Variants in RELB observed in about 807,000 individuals in gnomAD.
RELB encodes transcription factor RelB.
RELB carries 14 observed loss-of-function variants against 55.4 expected under a neutral mutation model. That is an observed-to-expected ratio of 0.25 (90% CI 0.17 to 0.40). RELB has a LOEUF of 0.40. Among genes scored for constraint, RELB ranks in the 10% least tolerant of loss-of-function variants. The pLI, the probability that RELB is intolerant of heterozygous loss-of-function variation, is 1.00. For missense variants in RELB, 669 were observed against 830.7 expected (o/e 0.81, Z 2.39); for synonymous variants, 409 against 371.3 (o/e 1.10, Z -1.17).
At chr19:45,017,077 C>T (rs868847744) in intron 4 of RELB, among the ~76,000 whole-genome samples, 4 of 152,126 alleles carry the variant, frequency 2.6e-5, no homozygotes, top group African/African-American at 9.7e-5. Flanking sequence ...GTCAACCAGC[C>T]ACCCCCCAAA....
chr19:45,013,860 G>T (rs1381824650), intron 4 of RELB, among the ~76,000 whole-genome samples: 1 of 151,926 alleles, frequency 6.6e-6, no homozygotes, highest in South Asian at 2.1e-4. Flanking sequence ...AAGAAAAAAA[G>T]AATATCCCAC....
In RELB at chr19:45,025,374, G is replaced by A; in HGVS notation, c.708G>A (p.Glu236=). ...GIQCVRKKEI[E]AAIERKIQLG... is the part of the protein sequence containing the mutation. The stretch of plus-strand genomic sequence containing the variant: ...AGTGTGTGAGGAAGAAGGAGATTGA[G>A]GCTGCCATTGAGCGGAAGATTCAAC... The change falls in exon 6 of 12, where the codon GAG becomes GAA. Residue 236 remains glutamate (E), a synonymous_variant. Coordinates refer to ENST00000221452, the MANE Select transcript of RELB (RefSeq NM_006509.4). 4 of 1,613,050 alleles carry A rather than the reference G, an allele frequency of 2.5e-6. No homozygotes were observed. The highest frequency in any genetic ancestry group is 3.4e-6 in the Non-Finnish European group (4 of 1,179,570).
intron 11 of RELB, among the ~76,000 whole-genome samples, chr19:45,036,526 G>A (rs2122500046): frequency 6.6e-6 from 1 of 152,100 alleles, no homozygotes; most frequent in South Asian, 2.1e-4. Flanking sequence ...TTCACTTTTT[G>A]GGTTGTCTCT....
rs186242733 is a variant in RELB, at chr19:45,025,693, T to A, written c.842T>A (p.Met281Lys). The A allele has an allele frequency of 1.9e-6, 3 of 1,613,998 alleles. No individual in the cohort carries two copies. The highest frequency in any genetic ancestry group is 2.5e-6 in the Non-Finnish European group (3 of 1,179,898). The change falls in exon 7 of 12, where the codon ATG (methionine) becomes AAG (lysine). Residue 281 changes from methionine (M) to lysine (K), a missense_variant. Met to Lys is a moderately conservative substitution (Grantham distance 95). This residue lies in a region of RELB where 341 missense variants were observed against 436.8 expected (regional missense o/e 0.78). Transcript: ENST00000221452. Reference protein sequence around the residue: ...QASYRDQQGQMRRMDPVLSEP... With the variant: ...QASYRDQQGQKRRMDPVLSEP... Reference sequence around the variant, plus strand: ...TCATATCGGGACCAGCAGGGACAGATGCGCCGGATGGATCCTGTGCTTTCC... The same window carrying A: ...TCATATCGGGACCAGCAGGGACAGAAGCGCCGGATGGATCCTGTGCTTTCC...
intron 3 of RELB, among the ~76,000 whole-genome samples, chr19:45,011,580 C>T (rs994635960): frequency 6.6e-6 from 1 of 152,050 alleles, no homozygotes; most frequent in Non-Finnish European, 1.5e-5. Context: ...CCTCAGCCTC[C>T]TGAGTAGCTG....
At chr19:45,018,178 G>A (rs1215345317) in intron 4 of RELB, among the ~76,000 whole-genome samples, 1 of 151,994 alleles carries the variant, frequency 6.6e-6, no homozygotes, top group East Asian at 1.9e-4. Flanking sequence ...ACTAAGGCAG[G>A]CAGATCACAA....
chr19:45,010,310 G>A (rs1934985447), intron 3 of RELB, among the ~76,000 whole-genome samples: 1 of 62,662 alleles, frequency 1.6e-5, no homozygotes, highest in South Asian at 5.2e-4. Flanking sequence ...GCAAGACCGT[G>A]TCTCAAAAAG....
intron 4 of RELB, 95 bp downstream of exon 4, chr19:45,012,371 CTGT>C (rs751714236): frequency 9.6e-6 from 7 of 729,630 alleles, no homozygotes; most frequent in Non-Finnish European, 1.4e-5. Flanking sequence ...TTGATGGTGG[CTGT>C]TGTTGTTATT....
In RELB at chr19:45,028,925, T is replaced by C; in HGVS notation, c.924T>C (p.Ile308=). The change falls in exon 8 of 12, where the codon ATT becomes ATC. Residue 308 remains isoleucine (I), a synonymous_variant. Transcript: ENST00000221452. ...CATCAGAGCTGCGGATTTGCCGAAT[T>C]AACAAGGAAAGCGGGCCGTGCACCG... is the stretch of plus-strand genomic sequence containing the variant. ...TNTSELRICR[I]NKESGPCTGG... 6.2e-7 allele frequency: 1 copy of C among 1,601,440 alleles called. No individual in the cohort carries two copies. The highest frequency in any genetic ancestry group is 1.1e-5 in the South Asian group (1 of 88,274).
chr19:45,025,453 TCCTC>T, intron 6 of RELB, 33 bp downstream of exon 6: 1 of 1,591,266 alleles, frequency 6.3e-7, no homozygotes. Context: ...GACCATCCCG[TCCTC>T]CCAAACCCCT....
intron 7 of RELB, among the ~76,000 whole-genome samples, chr19:45,026,553 GA>G (rs11419790): frequency 0.012 from 1,845 of 151,208 alleles, 40 homozygotes; most frequent in African/African-American, 0.043. Flanking sequence ...CAAAAAACAA[GA>G]AAAAAAAACA....
Position 45,001,754 on chromosome 19 carries a change from C to A in RELB, c.106+69C>A, listed in dbSNP as rs987986191. 5.6e-6 allele frequency: 6 copies of A among 1,066,126 alleles called. No individual in the cohort carries two copies. In the Admixed American group the frequency reaches 7.4e-5, roughly 13 times the overall value. 66.0% of individuals were successfully genotyped at this position (1,066,126 alleles called of 1,614,324 possible). Reference sequence around the variant, plus strand: ...GGAGATGCGGGGATTCTGGCGGTCCCGGAGTAGTCTGGGGGTTCCTATGGG... The same window carrying A: ...GGAGATGCGGGGATTCTGGCGGTCCAGGAGTAGTCTGGGGGTTCCTATGGG... On this transcript the variant is annotated intron_variant, in intron 1 of 11. Transcript: ENST00000221452.
At chr19:45,017,449 T>TAAAAAAAAAAACAAAAAAAAAAA (rs1971432386) in intron 4 of RELB, among the ~76,000 whole-genome samples, 3 of 102,702 alleles carry the variant, frequency 2.9e-5, no homozygotes, top group African/African-American at 1.5e-4. Flanking sequence ...AGAATCTGTC[T>TAAAAAAAAAAACAAAAAAAAAAA]AAAAAAAAAA....
At chr19:45,009,878 A>T in intron 3 of RELB, 56 bp downstream of exon 3, 66 of 1,459,666 alleles carry the variant, frequency 4.5e-5, no homozygotes, top group Non-Finnish European at 5.8e-5. Context: ...TGCCTACAGA[A>T]GGGGGTCTTG....
intron 3 of RELB, 92 bp downstream of exon 3, chr19:45,009,914 G>T: frequency 7.9e-7 from 1 of 1,267,186 alleles, no homozygotes; most frequent in Non-Finnish European, 1.1e-6. Flanking sequence ...TGGGGGTGGG[G>T]GAGAGGTGTC....
chr19:45,025,247 C>A, intron 5 of RELB, 82 bp from the exon 6 acceptor site: 1 of 915,502 alleles, frequency 1.1e-6, no homozygotes, highest in Non-Finnish European at 1.7e-6. Context: ...CCCACAGCAG[C>A]ATCTGCCAGA....
chr19:45,034,546 A>G lies in RELB; in HGVS notation c.1354+18A>G. 1 of 1,580,808 alleles carries G rather than the reference A, an allele frequency of 6.3e-7. No individual in the cohort carries two copies. The highest frequency in any genetic ancestry group is 8.6e-7 in the Non-Finnish European group (1 of 1,163,070). On this transcript the variant is annotated intron_variant, in intron 11 of 11. Transcript: ENST00000221452. ...CGGCTCAGGTGGGTCCCAGCTACAC[A>G]TAAGCCCCTGTCCCCTGGGTGGGCA...
At position 45,023,393 on chromosome 19, in the gene RELB, TTTCCTTCCTTCCTTCC is replaced by T. The variant is rs58473606; in HGVS notation, c.662+1208_662+1223del. On this transcript the variant is annotated intron_variant, in intron 5 of 11. Coordinates refer to ENST00000221452, the MANE Select transcript of RELB (RefSeq NM_006509.4). ...CATTGGTGTTTAATTTGCAGTTTTC[TTTCCTTCCTTCCTTCC>T]TTCCTTCCTTCCTTCCTTCCTTCCG... Among the ~76,000 whole-genome samples the T allele has an allele frequency of 1.0e-4, 15 of 144,686 alleles. No homozygotes were observed. The South Asian group carries it at 1.6e-3, about 15-fold the overall frequency. 94.9% of individuals were successfully genotyped at this position (144,686 alleles called of 152,430 possible). A position where few individuals can be genotyped will look rare whatever the true frequency, so the allele number is the denominator to read the frequency against.
chr19:45,011,534 G>A (rs1168056194), intron 3 of RELB, among the ~76,000 whole-genome samples: 3 of 151,898 alleles, frequency 2.0e-5, no homozygotes, highest in Admixed American at 2.0e-4. Flanking sequence ...TTGACTTACT[G>A]CAGTGTCCGC....
Sources: allele counts gnomAD v4.1 joint callset (sites outside exome capture counted in the v4.1 genomes callset), GRCh38; gene constraint gnomAD v4.1.1; regional missense constraint gnomAD v4.1.1; transcripts MANE v1.5; gene names NCBI Gene and HGNC (gene_info 2026-07-23, HGNC 2026-07-21).